Variants in RRP12 observed in about 807,000 individuals in gnomAD.
The protein encoded by RRP12 is RRP12-like protein.
Under a neutral mutation model 157.3 loss-of-function variants are expected in RRP12, and 78 were observed. The ratio of observed to expected loss-of-function variants is 0.50; its 90% confidence interval spans 0.41 to 0.60. The LOEUF (loss-of-function observed/expected upper bound fraction) is 0.60, where lower values mean the gene tolerates loss of function less well. Among genes scored for constraint, RRP12 ranks in the 20% least tolerant of loss-of-function variants. The pLI, the probability that RRP12 is intolerant of heterozygous loss-of-function variation, is 0.00. For synonymous variants in RRP12, 726 were observed against 670.9 expected (o/e 1.08, Z -1.27); for missense variants, 1,521 against 1,679.9 (o/e 0.91, Z 1.65).
At chr10:97,369,681 T>C (rs1844088481) in intron 24 of RRP12, 99 bp from the exon 25 acceptor site, 4 of 1,300,832 alleles carry the variant, frequency 3.1e-6, no homozygotes, top group Non-Finnish European at 4.2e-6. Flanking sequence ...CAGTAAAAGC[T>C]GACATTGAGA....
chr10:97,357,785 C>G (rs1160744402), intron 33 of RRP12, among the ~76,000 whole-genome samples: 1 of 151,760 alleles, frequency 6.6e-6, no homozygotes, highest in Admixed American at 6.6e-5. Context: ...AGTGAAACCC[C>G]GTCTCTACTA....
At chr10:97,386,666 T>C (rs539417090) in intron 8 of RRP12, among the ~76,000 whole-genome samples, 4 of 152,262 alleles carry the variant, frequency 2.6e-5, no homozygotes, top group Non-Finnish European at 5.9e-5. Context: ...TTTTACAATT[T>C]TAAAAATATG....
At chr10:97,366,694 C>A in intron 27 of RRP12, 48 bp downstream of exon 27, 2 of 1,601,674 alleles carry the variant, frequency 1.2e-6, no homozygotes, top group Non-Finnish European at 1.7e-6. Flanking sequence ...CTGGGCAGGC[C>A]CTTGGGTTGG....
rs1222316626 is a variant in RRP12, at chr10:97,396,257, C to A, written c.414G>T (p.Gln138His). Residue 138 changes from glutamine to histidine, a missense_variant, in exon 3 of 34, where the codon CAG becomes CAT. Gln to His is a conservative substitution (Grantham distance 24). Coordinates refer to ENST00000370992, the MANE Select transcript of RRP12 (RefSeq NM_015179.4). ...LAAVTEVIRS[Q>H]GGKETETEYF... ...ACTCAGTCTCCGTCTCCTTCCCTCC[C>A]TGGGAGCGAATCACCTCAGTGACAG... The A allele has an allele frequency of 6.2e-7, 1 of 1,613,946 alleles. No individual in the cohort carries two copies. Among genetic ancestry groups the A allele is most frequent in the South Asian group, 1.1e-5 (1 of 91,076 alleles).
chr10:97,388,359 T>C lies in RRP12; in HGVS notation c.910A>G (p.Thr304Ala). ...KSGGSKEATT[T>A]LHMLTLLKDL... The stretch of plus-strand genomic sequence containing the variant: ...TTCAGCAGCGTCAGCATGTGCAGCG[T>C]GGTGGTGGCCTCCTTGGAGCCTGGT... The change falls in exon 8 of 34, where the codon ACG (threonine) becomes GCG (alanine). Residue 304 changes from threonine to alanine, a missense_variant. Coordinates refer to ENST00000370992, the MANE Select transcript of RRP12 (RefSeq NM_015179.4). 1 of 1,613,922 alleles carries C rather than the reference T, an allele frequency of 6.2e-7. No homozygotes were observed. Among genetic ancestry groups the C allele is most frequent in the Non-Finnish European group, 8.5e-7 (1 of 1,180,006 alleles).
chr10:97,370,887 C>A, intron 21 of RRP12, 36 bp downstream of exon 21: 1 of 1,612,026 alleles, frequency 6.2e-7, no homozygotes, highest in Non-Finnish European at 8.5e-7. Context: ...GTTGCCCAGG[C>A]TCCCTCGGCA....
At chr10:97,384,680 G>A (rs780945274) in intron 10 of RRP12, among the ~76,000 whole-genome samples, 1 of 146,902 alleles carries the variant, frequency 6.8e-6, no homozygotes, top group Non-Finnish European at 1.5e-5. Flanking sequence ...AACCTCAGCA[G>A]CCAGGATGAA....
At chr10:97,381,685 T>A (rs1339971791) in intron 11 of RRP12, 30 bp downstream of exon 11, 1 of 1,576,990 alleles carries the variant, frequency 6.3e-7, no homozygotes, top group Non-Finnish European at 8.7e-7. Flanking sequence ...CCCCCTGTGC[T>A]CTCTGCTTCC....
In RRP12 at chr10:97,400,439, T is replaced by C; in HGVS notation, c.235A>G (p.Met79Val). 6.2e-7 allele frequency: 1 copy of C among 1,614,178 alleles called. No homozygotes were observed. The highest frequency in any genetic ancestry group is 8.5e-7 in the Non-Finnish European group (1 of 1,180,034). Residue 79 changes from methionine to valine, a missense_variant, in exon 2 of 34, where the codon ATG (methionine) becomes GTG (valine). Transcript: ENST00000370992. ...LGKSEAPETPMEEEAELVLTE... is the reference protein window; with the variant it reads ...LGKSEAPETPVEEEAELVLTE... The stretch of plus-strand genomic sequence containing the variant: ...AGAACCAGCTCCGCCTCTTCTTCCA[T>C]GGGCGTCTCCGGGGCTTCGCTTTTG...
chr10:97,379,510 T>C, intron 14 of RRP12, 96 bp from the exon 15 acceptor site: 1 of 1,590,962 alleles, frequency 6.3e-7, no homozygotes, highest in Non-Finnish European at 8.6e-7. Flanking sequence ...AGACCTCCTC[T>C]GGCCCCTCCT....
intron 8 of RRP12, 105 bp from the exon 9 acceptor site, chr10:97,386,098 TCA>T: frequency 1.5e-6 from 1 of 685,796 alleles, no homozygotes; most frequent in Non-Finnish European, 2.6e-6. Flanking sequence ...CCCCTGAACC[TCA>T]CACATGCCCC....
chr10:97,386,316 G>A (rs1372724245), intron 8 of RRP12, among the ~76,000 whole-genome samples: 1 of 150,392 alleles, frequency 6.6e-6, no homozygotes, highest in Non-Finnish European at 1.5e-5. Flanking sequence ...CTGGATACAG[G>A]GGTGAGACCA....
chr10:97,386,123 A>G (rs1589433564), intron 8 of RRP12, 130 bp from the exon 9 acceptor site: 1 of 604,570 alleles, frequency 1.7e-6, no homozygotes, highest in Admixed American at 2.9e-5. Flanking sequence ...ACACAGAGAC[A>G]CCCTGAGGAC....
intron 29 of RRP12, among the ~76,000 whole-genome samples, chr10:97,365,425 G>A (rs932128034): frequency 4.0e-5 from 6 of 151,854 alleles, no homozygotes; most frequent in African/African-American, 1.5e-4. Context: ...AGGCGCCCGC[G>A]ACCACGCCCA....
Position 97,381,728 on chromosome 10 carries a change from G to A in RRP12, c.1307C>T (p.Thr436Met). The A allele has an allele frequency of 6.2e-6, 10 of 1,613,722 alleles. No homozygotes were observed. The highest frequency in any genetic ancestry group is 3.3e-5 in the South Asian group (3 of 91,076). ...AAGTTGCAGTACCTTGAGGCTCTGC[G>A]TAGCAGCAGTCAGCACTTGCGAGTG... ...SPHSQVLTAA[T>M]QSLKEILKEC... The change falls in exon 11 of 34, where the codon ACG becomes ATG. Residue 436 changes from threonine (T) to methionine (M), a missense_variant. By Grantham distance (81) the Thr-to-Met change is moderately conservative. Coordinates refer to ENST00000370992, the MANE Select transcript of RRP12 (RefSeq NM_015179.4).
rs757012321 is a variant in RRP12, at chr10:97,369,500, C to T, written c.2880G>A (p.Lys960=). The T allele has an allele frequency of 9.9e-6, 16 of 1,608,688 alleles. No individual in the cohort carries two copies. The highest frequency in any genetic ancestry group is 8.5e-7 in the Non-Finnish European group (1 of 1,177,704). ...CCACCTTGATGAAGCCCAGTGCAGA[C>T]TTGACCACGTCACGGGTGCGGGAGG... is the stretch of plus-strand genomic sequence containing the variant. ...LLASRTRDVV[K]SALGFIKVAV... Residue 960 remains lysine, a synonymous_variant, in exon 25 of 34, where the codon AAG becomes AAA. Coordinates refer to ENST00000370992, the MANE Select transcript of RRP12 (RefSeq NM_015179.4).
At chr10:97,390,354 G>A in intron 6 of RRP12, 69 bp downstream of exon 6, 2 of 1,232,310 alleles carry the variant, frequency 1.6e-6, no homozygotes, top group Non-Finnish European at 2.4e-6. Flanking sequence ...AGCTAGCCAA[G>A]TCTGGGCTGC....
At chr10:97,394,251 G>A (rs1283719437) in intron 3 of RRP12, among the ~76,000 whole-genome samples, 2 of 152,140 alleles carry the variant, frequency 1.3e-5, no homozygotes, top group African/African-American at 2.4e-5. Context: ...GCTGAGGCAG[G>A]AGAATGGCGT....
chr10:97,358,801 A>G, intron 32 of RRP12, 142 bp downstream of exon 32: 1 of 809,630 alleles, frequency 1.2e-6, no homozygotes, highest in Non-Finnish European at 2.1e-6. Flanking sequence ...AGGTCTTAGC[A>G]TCTGAACCCC....
Sources: gnomAD v4.1 joint callset for allele counts (sites outside exome capture counted in the v4.1 genomes callset) on GRCh38, gnomAD v4.1.1 for gene constraint, MANE v1.5 for transcripts, NCBI Gene and HGNC (gene_info 2026-07-23, HGNC 2026-07-21) for gene names.